The following DYNC1I1 variants were observed in gnomAD, a reference collection of about 807,000 sequenced individuals.
DYNC1I1 encodes dynein cytoplasmic 1 intermediate chain 1.
Under a neutral mutation model 86.6 loss-of-function variants are expected in DYNC1I1, and 43 were observed. The observed-to-expected ratio is 0.50, with a 90% CI of 0.39 to 0.64. The LOEUF is 0.64. Among genes scored for constraint, DYNC1I1 ranks in the 30% least tolerant of loss-of-function variants. The pLI, the probability that DYNC1I1 is intolerant of heterozygous loss-of-function variation, is 0.00. For synonymous variants in DYNC1I1, 262 were observed against 283.7 expected, an observed-to-expected ratio of 0.92 and a Z score of 0.77; for missense variants, 604 against 788.8, an observed-to-expected ratio of 0.77 and a Z score of 2.81.
chr7:95,802,704 G>C (rs145501008), intron 1 of DYNC1I1: 1 of 152,188 alleles, frequency 6.6e-6, no homozygotes, highest in African/African-American at 2.4e-5. Flanking sequence ...CCAGGCTAGA[G>C]TGCAGTGCAT....
intron 5 of DYNC1I1, among the ~76,000 whole-genome samples, chr7:95,851,051 C>T (rs1789564331): frequency 6.6e-6 from 1 of 152,090 alleles, no homozygotes; most frequent in East Asian, 1.9e-4. Flanking sequence ...ATCCTCCTGC[C>T]TCAGCCTGCC....
intron 6 of DYNC1I1, among the ~76,000 whole-genome samples, chr7:95,873,646 G>C (rs145213862): frequency 3.8e-3 from 572 of 152,286 alleles, no homozygotes; most frequent in South Asian, 0.017. Context: ...TTCCTCTCCA[G>C]GTCCTGCTGA....
chr7:96,009,745 T>C (rs1446415792), intron 10 of DYNC1I1, among the ~76,000 whole-genome samples: 2 of 152,080 alleles, frequency 1.3e-5, no homozygotes, highest in Non-Finnish European at 2.9e-5. Context: ...AAGTTTGAAA[T>C]GTAATGCTGT....
intron 6 of DYNC1I1, among the ~76,000 whole-genome samples, chr7:95,919,910 A>G (rs908090291): frequency 2.0e-5 from 3 of 152,226 alleles, no homozygotes; most frequent in Non-Finnish European, 4.4e-5. Context: ...GGAGTCCATA[A>G]TAAAGTAAAC....
chr7:96,051,527 C>G (rs1220815836), intron 14 of DYNC1I1, among the ~76,000 whole-genome samples: 1 of 152,140 alleles, frequency 6.6e-6, no homozygotes, highest in Admixed American at 6.5e-5. Context: ...CACTGACTTC[C>G]CCTGAATATA....
chr7:96,080,696 A>G (rs529589102), intron 16 of DYNC1I1, among the ~76,000 whole-genome samples: 1 of 152,266 alleles, frequency 6.6e-6, no homozygotes, highest in Non-Finnish European at 1.5e-5. Context: ...TAAGTTAACA[A>G]TCTAAGCTCC....
chr7:95,984,009 A>G (rs1387909387), intron 7 of DYNC1I1, among the ~76,000 whole-genome samples: 1 of 152,108 alleles, frequency 6.6e-6, no homozygotes, highest in Admixed American at 6.6e-5. Flanking sequence ...GTTTTATGTA[A>G]AACTCTCAAT....
chr7:96,039,237 G>A, intron 13 of DYNC1I1, 40 bp from the exon 14 acceptor site: 2 of 1,575,762 alleles, frequency 1.3e-6, no homozygotes, highest in Non-Finnish European at 8.6e-7. Flanking sequence ...TTGCTTTTCA[G>A]AGGTCACTGG....
chr7:96,073,097 C>T lies in DYNC1I1; in HGVS notation c.1510-2960C>T, dbSNP rs191938487. ...TACTTTGATAACAAGTTCAATCAAT[C>T]CTGATCAAGACTTTCCCAACCTGTG... On this transcript the variant is annotated intron_variant, in intron 14 of 16. Coordinates refer to ENST00000447467, the MANE Select transcript of DYNC1I1 (RefSeq NM_001135556.2). Among the ~76,000 whole-genome samples the T allele has an allele frequency of 2.6e-4, 40 of 152,260 alleles. 1 individual carries two copies. In the East Asian group the frequency reaches 7.3e-3, roughly 28 times the overall value.
At chr7:95,823,979 T>TATATATATATATATATATATATA (rs1795142432) in intron 4 of DYNC1I1, among the ~76,000 whole-genome samples, 1 of 110,386 alleles carries the variant, frequency 9.1e-6, no homozygotes, top group African/African-American at 4.2e-5. Context: ...TATATATATA[T>TATATATATATATATATATATATA]GTTTTGGTTT....
chr7:96,109,050 A>G (rs1378316911), intron 16 of DYNC1I1, among the ~76,000 whole-genome samples: 1 of 152,026 alleles, frequency 6.6e-6, no homozygotes, highest in Non-Finnish European at 1.5e-5. Context: ...TCATCACTTT[A>G]CAATCTGTAG....
intron 1 of DYNC1I1, among the ~76,000 whole-genome samples, chr7:95,773,393 C>T (rs1248759465): frequency 6.6e-6 from 1 of 152,174 alleles, no homozygotes; most frequent in Non-Finnish European, 1.5e-5. Flanking sequence ...GGCCGCCTGG[C>T]TCTCCTTCCC....
At chr7:95,884,769 C>T (rs573154767) in intron 6 of DYNC1I1, among the ~76,000 whole-genome samples, 1 of 142,854 alleles carries the variant, frequency 7.0e-6, no homozygotes, top group African/African-American at 2.6e-5. Flanking sequence ...CCCCGTTCTC[C>T]ACGAAAAGGA....
At chr7:95,955,621 C>G (rs1792690941) in intron 6 of DYNC1I1, among the ~76,000 whole-genome samples, 1 of 152,038 alleles carries the variant, frequency 6.6e-6, no homozygotes, top group African/African-American at 2.4e-5. Context: ...ATAAACTTGC[C>G]CTTCACCACA....
intron 5 of DYNC1I1, among the ~76,000 whole-genome samples, chr7:95,829,700 A>G (rs1022893524): frequency 6.6e-6 from 1 of 152,134 alleles, no homozygotes; most frequent in Non-Finnish European, 1.5e-5. Flanking sequence ...GACTATGCAG[A>G]TTAAAATTTG....
chr7:95,880,892 A>T (rs1283592444), intron 6 of DYNC1I1, among the ~76,000 whole-genome samples: 2 of 151,936 alleles, frequency 1.3e-5, no homozygotes, highest in Admixed American at 6.6e-5. Context: ...CGATCCGCCC[A>T]TCTCAGCCTC....
At chr7:95,893,587 G>C (rs1003059671) in intron 6 of DYNC1I1, among the ~76,000 whole-genome samples, 1 of 152,142 alleles carries the variant, frequency 6.6e-6, no homozygotes, top group Admixed American at 6.5e-5. Context: ...GAGAACATGT[G>C]CCTTACTCCT....
intron 6 of DYNC1I1, among the ~76,000 whole-genome samples, chr7:95,911,692 G>A (rs868181732): frequency 6.6e-6 from 1 of 152,156 alleles, no homozygotes; most frequent in Non-Finnish European, 1.5e-5. Flanking sequence ...AGGTTGCAGG[G>A]CCTCATCTTT....
chr7:95,892,048 A>G (rs1184810910), intron 6 of DYNC1I1, among the ~76,000 whole-genome samples: 1 of 151,928 alleles, frequency 6.6e-6, no homozygotes, highest in Admixed American at 6.6e-5. Context: ...GCTCATTGCA[A>G]CCTCTGCCTC....
Sources: gnomAD v4.1 joint callset for allele counts (sites outside exome capture counted in the v4.1 genomes callset) on GRCh38, gnomAD v4.1.1 for gene constraint, MANE v1.5 for transcripts, NCBI Gene and HGNC (gene_info 2026-07-23, HGNC 2026-07-21) for gene names.